RAPGEF5: variants seen among roughly 807,000 people sequenced by gnomAD.
RAPGEF5 encodes the protein Rap guanine nucleotide exchange factor 5.
RAPGEF5 carries 65 observed loss-of-function variants against 125.2 expected under a neutral mutation model. That is an observed-to-expected ratio of 0.52 (90% CI 0.43 to 0.64). The LOEUF (loss-of-function observed/expected upper bound fraction) is 0.64. RAPGEF5 is among the 30% of genes least tolerant of loss of function. The pLI, the probability that RAPGEF5 is intolerant of heterozygous loss-of-function variation, is 0.00. For synonymous variants in RAPGEF5, 391 were observed against 385.9 expected (o/e 1.01, Z -0.16); for missense variants, 958 against 1,048.1 (o/e 0.91, Z 1.19).
intron 1 of RAPGEF5, among the ~76,000 whole-genome samples, chr7:22,327,740 A>G (rs1783841794): frequency 6.6e-6 from 1 of 152,224 alleles, no homozygotes; most frequent in South Asian, 2.1e-4. Flanking sequence ...GGTTGTTGTA[A>G]AAACTAAATG....
intron 21 of RAPGEF5, among the ~76,000 whole-genome samples, chr7:22,137,857 T>G (rs1445853542): frequency 6.6e-6 from 1 of 152,198 alleles, no homozygotes; most frequent in Non-Finnish European, 1.5e-5. Context: ...TCTGGGATTT[T>G]TTGTTTCTAA....
chr7:22,311,385 C>G (rs1783467775), intron 3 of RAPGEF5, among the ~76,000 whole-genome samples: 1 of 152,038 alleles, frequency 6.6e-6, no homozygotes, highest in African/African-American at 2.4e-5. Context: ...CCAAGAGATG[C>G]CGACATTTAT....
At chr7:22,181,290 A>G (rs1458716085) in intron 11 of RAPGEF5, among the ~76,000 whole-genome samples, 1 of 152,224 alleles carries the variant, frequency 6.6e-6, no homozygotes. Context: ...TCTTCTTCAT[A>G]ACAGGTGAAG....
At chr7:22,176,495 A>G (rs1054834583) in intron 11 of RAPGEF5, among the ~76,000 whole-genome samples, 21 of 152,210 alleles carry the variant, frequency 1.4e-4, no homozygotes, top group Non-Finnish European at 4.4e-5. Context: ...TAAAGTAAAC[A>G]TAAGTAAGCA....
rs138527036 is a variant in RAPGEF5 at position 22,257,216 on chromosome 7, A to T, written c.796+9748T>A. Among the ~76,000 whole-genome samples the T allele has an allele frequency of 3.2e-3, 487 of 152,340 alleles. 2 individuals carry two copies. The highest frequency in any genetic ancestry group is 4.2e-3 in the Admixed American group (65 of 15,298). ...TCAAGCTCCAGATGTGCCAGCTATCATTTTAAATACTTTTTTATTTGATGT... is the reference window on the plus strand; with the variant it reads ...TCAAGCTCCAGATGTGCCAGCTATCTTTTTAAATACTTTTTTATTTGATGT... On this transcript the variant is annotated intron_variant, in intron 7 of 25. Transcript: ENST00000665637.
intron 7 of RAPGEF5, among the ~76,000 whole-genome samples, chr7:22,248,401 A>C (rs1023174737): frequency 6.6e-6 from 1 of 152,180 alleles, no homozygotes; most frequent in Non-Finnish European, 1.5e-5. Context: ...TCAGTGATGA[A>C]GCTGAGAACT....
intron 9 of RAPGEF5, among the ~76,000 whole-genome samples, chr7:22,202,204 G>C (rs1225984739): frequency 6.6e-6 from 1 of 152,228 alleles, no homozygotes; most frequent in Non-Finnish European, 1.5e-5. Flanking sequence ...GGCTAAGTCT[G>C]AGTAATGGGC....
At chr7:22,302,593 C>A (rs1259856125) in intron 5 of RAPGEF5, among the ~76,000 whole-genome samples, 2 of 152,146 alleles carry the variant, frequency 1.3e-5, no homozygotes, top group African/African-American at 4.8e-5. Context: ...CCCCTGTCCT[C>A]CTCTGCCAAG....
At chr7:22,299,512 T>C (rs1040111062) in intron 5 of RAPGEF5, among the ~76,000 whole-genome samples, 3 of 152,212 alleles carry the variant, frequency 2.0e-5, no homozygotes, top group African/African-American at 7.2e-5. Context: ...AATAGTCATA[T>C]ATATTTTAAA....
intron 5 of RAPGEF5, among the ~76,000 whole-genome samples, chr7:22,306,061 C>T (rs1286746151): frequency 1.3e-5 from 2 of 152,148 alleles, no homozygotes; most frequent in Non-Finnish European, 2.9e-5. Flanking sequence ...TTTGTGTATA[C>T]ACTCAGCAGT....
At chr7:22,331,528 G>A (rs933967799) in intron 1 of RAPGEF5, among the ~76,000 whole-genome samples, 16 of 152,148 alleles carry the variant, frequency 1.1e-4, no homozygotes, top group African/African-American at 3.4e-4. Flanking sequence ...GGCGGATCAC[G>A]AGGTCAGGAG....
rs750192412 is a variant in RAPGEF5 at position 22,167,093 on chromosome 7, G to A, written c.1260C>T (p.Asp420=). 9.9e-6 allele frequency: 16 copies of A among 1,612,858 alleles called. 1 individual carries two copies. The South Asian group carries it at 1.2e-4, about 12-fold the overall frequency. The change falls in exon 12 of 26, where the codon GAC becomes GAT. Residue 420 remains aspartate (D), a synonymous_variant. Transcript: ENST00000665637. ...ATTGCCTTAACAGAGCCTGGCACAA[G>A]TCATCAGTTGTCATGAAGACAGTGT... ...LTYTVFMTTD[D]LCQALLRHYS...
At chr7:22,279,391 T>G (rs1562504957) in intron 6 of RAPGEF5, among the ~76,000 whole-genome samples, 1 of 152,198 alleles carries the variant, frequency 6.6e-6, no homozygotes, top group Non-Finnish European at 1.5e-5. Flanking sequence ...TGGCATAGGA[T>G]CTATTAAGTT....
At chr7:22,197,320 G>A (rs1010638004) in intron 9 of RAPGEF5, among the ~76,000 whole-genome samples, 1 of 152,166 alleles carries the variant, frequency 6.6e-6, no homozygotes, top group Non-Finnish European at 1.5e-5. Context: ...TCTGAAACAG[G>A]CAGTAGAGAG....
Position 22,145,173 on chromosome 7 carries a change from G to A in RAPGEF5, c.2057C>T (p.Thr686Ile). Residue 686 changes from threonine to isoleucine, a missense_variant, in exon 20 of 26, where the codon ACT becomes ATT. Physicochemically the swap from Thr to Ile is moderately conservative, Grantham distance 89 (BLOSUM62 -1). Transcript: ENST00000665637. ...TFSRQGSGEH[T>I]ANLSLLLQRC... ...CTGGAGCAGAAGGCTGAGATTTGCAGTGTGTTCCCCACTTCCCTGTCTGCT... is the reference window on the plus strand; with the variant it reads ...CTGGAGCAGAAGGCTGAGATTTGCAATGTGTTCCCCACTTCCCTGTCTGCT... The A allele has an allele frequency of 1.2e-6, 2 of 1,613,522 alleles. No homozygotes were observed. The highest frequency in any genetic ancestry group is 2.2e-5 in the South Asian group (2 of 90,920).
At chr7:22,213,636 C>A (rs1785561173) in intron 9 of RAPGEF5, among the ~76,000 whole-genome samples, 1 of 152,174 alleles carries the variant, frequency 6.6e-6, no homozygotes, top group Non-Finnish European at 1.5e-5. Flanking sequence ...ACCAATCCAA[C>A]ACAAAGTCAG....
intron 8 of RAPGEF5, among the ~76,000 whole-genome samples, chr7:22,227,577 C>T (rs544453074): frequency 1.2e-4 from 18 of 152,256 alleles, no homozygotes; most frequent in South Asian, 4.1e-4. Context: ...TAGTGGCTAA[C>T]GCCTGTAATC....
At chr7:22,242,947 C>CAAAAAAAA (rs537954162) in intron 7 of RAPGEF5, among the ~76,000 whole-genome samples, 14 of 65,614 alleles carry the variant, frequency 2.1e-4, no homozygotes, top group Non-Finnish European at 2.7e-4. Context: ...AACTCCGTCT[C>CAAAAAAAA]AAAAAAAAAA....
At chr7:22,321,389 T>C (rs1361082682) in intron 1 of RAPGEF5, among the ~76,000 whole-genome samples, 1 of 152,196 alleles carries the variant, frequency 6.6e-6, no homozygotes, top group African/African-American at 2.4e-5. Context: ...CATTCCAGAG[T>C]TGCTAAAAAT....
Sources: gnomAD v4.1 joint callset for allele counts (sites outside exome capture counted in the v4.1 genomes callset) on GRCh38, gnomAD v4.1.1 for gene constraint, MANE v1.5 for transcripts, NCBI Gene and HGNC (gene_info 2026-07-23, HGNC 2026-07-21) for gene names.